Variants in TPM4 observed in about 807,000 individuals in gnomAD.
TPM4 encodes the protein tropomyosin 4.
In TPM4, 17 loss-of-function variants were observed where a neutral mutation model predicts 35.8. That is an observed-to-expected ratio of 0.47 (90% CI 0.32 to 0.71). The LOEUF (loss-of-function observed/expected upper bound fraction) is 0.71. Ranked by LOEUF, TPM4 falls within the 30% of genes least tolerant of loss-of-function variation. TPM4 has a pLI of 0.03. For synonymous variants in TPM4, 120 were observed against 122.9 expected, an observed-to-expected ratio of 0.98 and a Z score of 0.15; for missense variants, 240 against 320.9, an observed-to-expected ratio of 0.75 and a Z score of 1.93.
At chr19:16,082,142 G>A (rs2090491537) in intron 2 of TPM4, 96 bp downstream of exon 2, 1 of 1,467,412 alleles carries the variant, frequency 6.8e-7, no homozygotes, top group Non-Finnish European at 9.2e-7. Context: ...AGTAAACAAG[G>A]TCACAAGGAC....
chr19:16,088,625 G>A (rs2090588524), intron 4 of TPM4: 1 of 1,033,406 alleles, frequency 9.7e-7, no homozygotes, highest in Non-Finnish European at 1.2e-6. Flanking sequence ...TGCTGAGAGA[G>A]ATCTGGTTTC....
At chr19:16,086,027 C>T (rs1056707262) in intron 2 of TPM4, among the ~76,000 whole-genome samples, 4 of 144,802 alleles carry the variant, frequency 2.8e-5, no homozygotes, top group African/African-American at 1.0e-4. Context: ...TGAGATCACA[C>T]TACTGCACTC....
chr19:16,084,796 G>C (rs749772003), intron 2 of TPM4, among the ~76,000 whole-genome samples: 15 of 152,238 alleles, frequency 9.9e-5, no homozygotes, highest in Non-Finnish European at 2.2e-4. Context: ...TCGTACAGGT[G>C]GGGGAGGGTG....
Position 16,102,872 on chromosome 19 carries a change from A to C in TPM4, c.*1526A>C, listed in dbSNP as rs2090776484. ...ACCCTACTCCTATTTATTCAGCACCACACTACCCAGGAAATACACTAGCAA... is the reference window on the plus strand; with the variant it reads ...ACCCTACTCCTATTTATTCAGCACCCCACTACCCAGGAAATACACTAGCAA... On this transcript the variant is annotated 3_prime_UTR_variant, in exon 8 of 8. Coordinates refer to ENST00000643579, the MANE Select transcript of TPM4 (RefSeq NM_003290.3). 4.6e-6 allele frequency: 1 copy of C among 217,294 alleles called. No homozygotes were observed. Among genetic ancestry groups the C allele is most frequent in the Non-Finnish European group, 9.0e-6 (1 of 111,042 alleles). 13.5% of individuals were successfully genotyped at this position (217,294 alleles called of 1,614,324 possible).
intron 7 of TPM4, among the ~76,000 whole-genome samples, chr19:16,098,186 TA>T (rs2090721769): frequency 6.6e-6 from 1 of 152,198 alleles, no homozygotes; most frequent in African/African-American, 2.4e-5. Context: ...CTCACGCCTG[TA>T]ATCCCAACAC....
chr19:16,081,064 C>T (rs1026070019), intron 1 of TPM4: 21 of 398,588 alleles, frequency 5.3e-5, no homozygotes, highest in African/African-American at 3.1e-4. Context: ...TCCCCCGCCT[C>T]GTCCCACCTT....
At chr19:16,093,988 T>C (rs1205057895) in intron 7 of TPM4, among the ~76,000 whole-genome samples, 1 of 128,972 alleles carries the variant, frequency 7.8e-6, no homozygotes, top group Non-Finnish European at 1.6e-5. Context: ...TGAGACGGAG[T>C]CTGGCTCTGT....
chr19:16,085,083 T>G lies in TPM4; in HGVS notation c.267-1340T>G, dbSNP rs138620421. 5.5e-4 allele frequency among the ~76,000 whole-genome samples: 84 copies of G among 151,596 alleles called. 1 individual carries two copies. Among genetic ancestry groups the G allele is most frequent in the African/African-American group, 1.5e-3 (64 of 41,380 alleles). ...CTGCGCAACATAGTGAGACCCCATC[T>G]CTACAAAAAAATATTAAAAATTAGC... On this transcript the variant is annotated intron_variant, in intron 2 of 7. Coordinates refer to ENST00000643579, the MANE Select transcript of TPM4 (RefSeq NM_003290.3).
At chr19:16,076,946 G>A (rs2090415954) in intron 1 of TPM4, 1 of 705,718 alleles carries the variant, frequency 1.4e-6, no homozygotes, top group Non-Finnish European at 1.9e-6. Flanking sequence ...CCGGCCAAGC[G>A]GGAAATGGGG....
chr19:16,090,956 A>T (rs1256711891), intron 5 of TPM4, among the ~76,000 whole-genome samples: 1 of 150,466 alleles, frequency 6.6e-6, no homozygotes, highest in African/African-American at 2.5e-5. Context: ...TATATCTGAT[A>T]CTAGGATGTG....
In TPM4 at chr19:16,068,026, C is replaced by T. The variant is rs1289458152; in HGVS notation, c.114+288C>T. On this transcript the variant is annotated intron_variant, in intron 2 of 2. Transcript: ENST00000589897. The stretch of plus-strand genomic sequence containing the variant: ...GTGAGAACGTTCGTGAGCGAGGTGT[C>T]GTTTGCGCTGGGAGGTTGTGTACTA... 8.8e-6 allele frequency: 4 copies of T among 453,262 alleles called. No individual in the cohort carries two copies. In the East Asian group the frequency reaches 1.7e-4, roughly 19 times the overall value. 28.1% of individuals were successfully genotyped at this position (453,262 alleles called of 1,614,324 possible). A position where few individuals can be genotyped will look rare whatever the true frequency, so the allele number is the denominator to read the frequency against.
In TPM4 at chr19:16,088,343, C is replaced by T. The variant is rs1334290580; in HGVS notation, c.455+246C>T. On this transcript the variant is annotated intron_variant, in intron 4 of 7. Coordinates refer to ENST00000643579, the MANE Select transcript of TPM4 (RefSeq NM_003290.3). Reference sequence around the variant, plus strand: ...AAGATATGAGGAAATAGGAGTGAGACAGGAGGCAGCAGGGAAGCCCAGAAG... The same window carrying T: ...AAGATATGAGGAAATAGGAGTGAGATAGGAGGCAGCAGGGAAGCCCAGAAG... 4 of 1,327,932 alleles carry T rather than the reference C, an allele frequency of 3.0e-6. No homozygotes were observed. The Admixed American group carries it at 1.3e-4, about 42-fold the overall frequency. The allele number at this position is 1,327,932 out of a possible 1,614,324, so 82.3% of individuals were successfully genotyped here. A position where few individuals can be genotyped will look rare whatever the true frequency, so the allele number is the denominator to read the frequency against.
chr19:16,087,884 G>T lies in TPM4; in HGVS notation c.385-143G>T, dbSNP rs947616562. 3.3e-5 allele frequency: 28 copies of T among 840,964 alleles called. No individual in the cohort carries two copies. The African/African-American group carries it at 4.4e-4, about 13-fold the overall frequency. The allele number at this position is 840,964 out of a possible 1,614,324, so 52.1% of individuals were successfully genotyped here. Reference sequence around the variant, plus strand: ...CAACAGAGGGAGACTCCGTCCCCCTGCAAAAAAAAGAAACACCAGAAAAAC... The same window carrying T: ...CAACAGAGGGAGACTCCGTCCCCCTTCAAAAAAAAGAAACACCAGAAAAAC... On this transcript the variant is annotated intron_variant, in intron 3 of 7. Coordinates refer to ENST00000643579, the MANE Select transcript of TPM4 (RefSeq NM_003290.3).
intron 1 of TPM4, among the ~76,000 whole-genome samples, chr19:16,080,596 A>G (rs929984780): frequency 4.6e-5 from 7 of 152,186 alleles, no homozygotes; most frequent in African/African-American, 1.7e-4. Context: ...GGATCACGTG[A>G]GGCCAGGAGT....
intron 7 of TPM4, chr19:16,100,632 T>G (rs1175262626): frequency 1.3e-5 from 2 of 152,160 alleles, no homozygotes; most frequent in African/African-American, 4.8e-5. Flanking sequence ...CCAGCCTGGG[T>G]AACATGGTGA....
intron 7 of TPM4, chr19:16,095,316 C>G: frequency 9.6e-7 from 1 of 1,039,236 alleles, no homozygotes; most frequent in Non-Finnish European, 1.2e-6. Flanking sequence ...AGGAACTGGA[C>G]CACGCTCTCA....
chr19:16,067,840 G>A lies in TPM4; in HGVS notation c.114+102G>A. 9.4e-7 allele frequency: 1 copy of A among 1,061,460 alleles called. No individual in the cohort carries two copies. Among genetic ancestry groups the A allele is most frequent in the Non-Finnish European group, 1.3e-6 (1 of 741,048 alleles). The allele number at this position is 1,061,460 out of a possible 1,614,324, so 65.8% of individuals were successfully genotyped here. On this transcript the variant is annotated intron_variant, in intron 2 of 2. Coordinates refer to the TPM4 transcript ENST00000589897. The surrounding 1 kb of genome is among the most constrained non-coding windows in gnomAD (Gnocchi z 4.1). Reference sequence around the variant, plus strand: ...TTGGGGGTCGCAGACACCTGCGGGAGGATAGGAGGCTGATGCTTTGGCGGA... The same window carrying A: ...TTGGGGGTCGCAGACACCTGCGGGAAGATAGGAGGCTGATGCTTTGGCGGA...
intron 3 of TPM4, 96 bp downstream of exon 3, chr19:16,086,636 C>A: frequency 2.0e-6 from 2 of 1,011,168 alleles, no homozygotes; most frequent in Non-Finnish European, 1.5e-6. Flanking sequence ...AGGAAGCTCT[C>A]GGTTAGGTCA....
intron 5 of TPM4, among the ~76,000 whole-genome samples, chr19:16,090,292 T>C (rs2090609833): frequency 6.6e-6 from 1 of 151,616 alleles, no homozygotes; most frequent in Admixed American, 6.6e-5. Context: ...CTGTATTTTT[T>C]TTTTTTTTTT....
Sources: allele counts gnomAD v4.1 joint callset (sites outside exome capture counted in the v4.1 genomes callset), GRCh38; gene constraint gnomAD v4.1.1; non-coding constraint Gnocchi (gnomAD v3.1); transcripts MANE v1.5; gene names NCBI Gene and HGNC (gene_info 2026-07-23, HGNC 2026-07-21).